The following AGBL4 variants were observed in gnomAD, a reference collection of about 807,000 sequenced individuals.
AGBL4 encodes the protein AGBL carboxypeptidase 4, also known as cytosolic carboxypeptidase 6.
In AGBL4, 58 loss-of-function variants were observed where a neutral mutation model predicts 66.4. The ratio of observed to expected loss-of-function variants is 0.87; its 90% CI spans 0.71 to 1.09. The LOEUF is 1.09. Ranked by LOEUF, AGBL4 falls within the 50% of genes least tolerant of loss-of-function variation. AGBL4 has a pLI of 0.00. For missense variants in AGBL4, 579 were observed against 631.0 expected, an observed-to-expected ratio of 0.92 and a Z score of 0.88; for synonymous variants, 234 against 222.9, an observed-to-expected ratio of 1.05 and a Z score of -0.44.
chr1:49,141,800 G>A (rs1053473589), intron 4 of AGBL4, among the ~76,000 whole-genome samples: 1 of 152,164 alleles, frequency 6.6e-6, no homozygotes, highest in Admixed American at 6.5e-5. Context: ...GCATCAGAAT[G>A]TAACACGATG....
chr1:49,262,851 T>C (rs1190190517), intron 3 of AGBL4, among the ~76,000 whole-genome samples: 6 of 151,734 alleles, frequency 4.0e-5, no homozygotes, highest in African/African-American at 9.7e-5. Flanking sequence ...AAGACACATG[T>C]ACACGTATGT....
intron 6 of AGBL4, among the ~76,000 whole-genome samples, chr1:48,699,008 G>A (rs1646758973): frequency 6.6e-6 from 1 of 152,168 alleles, no homozygotes; most frequent in South Asian, 2.1e-4. Context: ...ATCCTCTGTG[G>A]ACCATATATT....
At chr1:49,937,083 T>C (rs1654142649) in intron 1 of AGBL4, among the ~76,000 whole-genome samples, 1 of 152,098 alleles carries the variant, frequency 6.6e-6, no homozygotes, top group African/African-American at 2.4e-5. Flanking sequence ...GTGTGCTGTA[T>C]TCAGGAAACC....
chr1:49,984,206 A>T lies in AGBL4; in HGVS notation c.34+39557T>A, dbSNP rs547728060. 1.8e-4 allele frequency among the ~76,000 whole-genome samples: 27 copies of T among 152,308 alleles called. 1 individual carries two copies. In the South Asian group the frequency reaches 5.4e-3, roughly 30 times the overall value. On this transcript the variant is annotated intron_variant, in intron 1 of 13. Coordinates refer to ENST00000371839, the MANE Select transcript of AGBL4 (RefSeq NM_032785.4). ...AGATAAGCAATATTAAAACAATTAC[A>T]GCTCATCCAGCTCACAGATTCTGAC...
At chr1:49,563,855 T>C (rs1644120365) in intron 3 of AGBL4, among the ~76,000 whole-genome samples, 1 of 152,200 alleles carries the variant, frequency 6.6e-6, no homozygotes, top group African/African-American at 2.4e-5. Context: ...CCTCTTTTTC[T>C]ATTGATTGGA....
chr1:49,308,248 C>T (rs1644883166), intron 3 of AGBL4, among the ~76,000 whole-genome samples: 1 of 152,156 alleles, frequency 6.6e-6, no homozygotes, highest in Non-Finnish European at 1.5e-5. Context: ...AGTCCAAGAA[C>T]AGACTAATGC....
intron 6 of AGBL4, among the ~76,000 whole-genome samples, chr1:48,836,212 C>T (rs913990345): frequency 3.0e-4 from 45 of 148,134 alleles, no homozygotes; most frequent in African/African-American, 1.1e-3. Context: ...GGTTCTGTTA[C>T]AAATTGCTCT....
At chr1:49,068,526 C>A (rs960405151) in intron 4 of AGBL4, among the ~76,000 whole-genome samples, 71 of 152,050 alleles carry the variant, frequency 4.7e-4, no homozygotes, top group Non-Finnish European at 4.9e-4. Flanking sequence ...TGATGGTTTC[C>A]AGCTTCATCC....
At chr1:48,933,485 C>A (rs535696215) in intron 5 of AGBL4, among the ~76,000 whole-genome samples, 141 of 152,286 alleles carry the variant, frequency 9.3e-4, no homozygotes, top group Non-Finnish European at 1.7e-3. Flanking sequence ...ATTCATCAGA[C>A]ATGATGGCTT....
intron 3 of AGBL4, among the ~76,000 whole-genome samples, chr1:49,259,259 A>G (rs1228611723): frequency 4.6e-5 from 7 of 152,088 alleles, no homozygotes; most frequent in African/African-American, 1.7e-4. Context: ...TAATGAGCAA[A>G]ATCACCAGCT....
intron 2 of AGBL4, among the ~76,000 whole-genome samples, chr1:49,701,482 A>T (rs1001403080): frequency 1.9e-4 from 29 of 152,140 alleles, no homozygotes; most frequent in African/African-American, 7.0e-4. Context: ...GTTATCTCCA[A>T]ACTCATCAAA....
intron 3 of AGBL4, among the ~76,000 whole-genome samples, chr1:49,558,024 C>G (rs1276144144): frequency 6.6e-6 from 1 of 151,920 alleles, no homozygotes; most frequent in Non-Finnish European, 1.5e-5. Context: ...CAGACAGACC[C>G]TGGGCCCAAA....
chr1:48,609,344 T>C (rs895162532), intron 9 of AGBL4, among the ~76,000 whole-genome samples: 6 of 152,208 alleles, frequency 3.9e-5, no homozygotes, highest in Non-Finnish European at 7.3e-5. Context: ...CCCACTTCTC[T>C]AGCTTTATGT....
At chr1:49,281,085 T>G (rs1644263123) in intron 3 of AGBL4, among the ~76,000 whole-genome samples, 1 of 152,154 alleles carries the variant, frequency 6.6e-6, no homozygotes, top group Admixed American at 6.5e-5. Flanking sequence ...TCAAAATAAG[T>G]ATTACAGGCA....
chr1:48,904,095 A>G lies in AGBL4; in HGVS notation c.595-36865T>C, dbSNP rs1030400575. Among the ~76,000 whole-genome samples, 6 of 152,258 alleles carry G rather than the reference A, an allele frequency of 3.9e-5. No individual in the cohort carries two copies. The South Asian group carries it at 6.2e-4, about 16-fold the overall frequency. Reference sequence around the variant, plus strand: ...GGAGTTCGAGACCAGCCTGACCAACATGGTGGAATCCCATCTCTAATAAAT... The same window carrying G: ...GGAGTTCGAGACCAGCCTGACCAACGTGGTGGAATCCCATCTCTAATAAAT... On this transcript the variant is annotated intron_variant, in intron 5 of 13. Transcript: ENST00000371839.
At chr1:49,495,178 G>A (rs1647428382) in intron 3 of AGBL4, among the ~76,000 whole-genome samples, 1 of 151,950 alleles carries the variant, frequency 6.6e-6, no homozygotes, top group Admixed American at 6.6e-5. Flanking sequence ...TGGTGCACAT[G>A]GTACCTGGAA....
At chr1:48,947,976 C>T (rs891397966) in intron 5 of AGBL4, among the ~76,000 whole-genome samples, 1 of 151,974 alleles carries the variant, frequency 6.6e-6, no homozygotes, top group African/African-American at 2.4e-5. Flanking sequence ...CTGCAAGCTC[C>T]ACCTCCCAGG....
At chr1:49,036,770 C>A (rs1232559802) in intron 5 of AGBL4, among the ~76,000 whole-genome samples, 1 of 150,460 alleles carries the variant, frequency 6.6e-6, no homozygotes, top group African/African-American at 2.5e-5. Flanking sequence ...CTATATTGCC[C>A]AGGCTGGTCT....
intron 3 of AGBL4, among the ~76,000 whole-genome samples, chr1:49,532,543 A>G (rs1241045552): frequency 6.6e-6 from 1 of 152,148 alleles, no homozygotes; most frequent in Non-Finnish European, 1.5e-5. Context: ...GTTGAATTAT[A>G]TACCACTCCA....
Sources: gnomAD v4.1 joint callset for allele counts (sites outside exome capture counted in the v4.1 genomes callset) on GRCh38, gnomAD v4.1.1 for gene constraint, MANE v1.5 for transcripts, NCBI Gene and HGNC (gene_info 2026-07-23, HGNC 2026-07-21) for gene names.